The following PRKG1 variants were observed in gnomAD, a reference collection of about 807,000 sequenced individuals.
The protein encoded by PRKG1 is protein kinase cGMP-dependent 1.
In PRKG1, 35 loss-of-function variants were observed where a neutral mutation model predicts 88.1. The ratio of observed to expected loss-of-function variants is 0.40; its 90% CI spans 0.30 to 0.53. The LOEUF is 0.53. Among genes scored for constraint, PRKG1 ranks in the 20% least tolerant of loss-of-function variants. The pLI, the probability that PRKG1 is intolerant of heterozygous loss-of-function variation, is 0.59. For synonymous variants in PRKG1, 303 were observed against 292.5 expected (o/e 1.04, Z -0.37); for missense variants, 540 against 839.8 (o/e 0.64, Z 4.41).
intron 5 of PRKG1, among the ~76,000 whole-genome samples, chr10:52,017,586 G>A (rs1845073191): frequency 6.6e-6 from 1 of 152,148 alleles, no homozygotes; most frequent in Admixed American, 6.5e-5. Context: ...AGGAGGGGAA[G>A]ATAGGAGCAG....
chr10:51,486,569 A>G (rs1031829792), intron 3 of PRKG1, among the ~76,000 whole-genome samples: 1 of 152,120 alleles, frequency 6.6e-6, no homozygotes, highest in African/African-American at 2.4e-5. Flanking sequence ...TTGAATGGCT[A>G]CATGTGAATA....
intron 4 of PRKG1, among the ~76,000 whole-genome samples, chr10:51,876,567 C>G (rs948747648): frequency 1.3e-5 from 2 of 152,158 alleles, no homozygotes; most frequent in African/African-American, 2.4e-5. Context: ...GCAAATCATG[C>G]TTACTTTCAT....
intron 9 of PRKG1, 52 bp from the exon 10 acceptor site, chr10:52,251,518 C>G: frequency 7.4e-7 from 1 of 1,354,582 alleles, no homozygotes; most frequent in Admixed American, 1.7e-5. Flanking sequence ...GTACGTGGTA[C>G]TCGTGTTTGC....
chr10:51,363,561 GA>G (rs1842529205), intron 2 of PRKG1, among the ~76,000 whole-genome samples: 1 of 151,936 alleles, frequency 6.6e-6, no homozygotes, highest in Non-Finnish European at 1.5e-5. Context: ...CCTCCCAGGG[GA>G]CTTAGTGACT....
At chr10:51,910,805 TA>T (rs928658946) in intron 5 of PRKG1, 26 of 152,338 alleles carry the variant, frequency 1.7e-4, no homozygotes, top group African/African-American at 6.3e-4. Flanking sequence ...CCTTGGAATT[TA>T]AACAGGGCAA....
intron 1 of PRKG1, among the ~76,000 whole-genome samples, chr10:50,994,994 T>A (rs1337113168): frequency 6.6e-6 from 1 of 152,162 alleles, no homozygotes; most frequent in African/African-American, 2.4e-5. Flanking sequence ...CTACACCATT[T>A]TATATAAAGG....
chr10:52,098,212 T>C (rs538528370), intron 7 of PRKG1, among the ~76,000 whole-genome samples: 1 of 152,306 alleles, frequency 6.6e-6, no homozygotes, highest in African/African-American at 2.4e-5. Context: ...TTATGATAAT[T>C]TTCATTTCAC....
intron 4 of PRKG1, among the ~76,000 whole-genome samples, chr10:51,850,084 G>C (rs1447844129): frequency 2.6e-5 from 4 of 152,148 alleles, no homozygotes; most frequent in Non-Finnish European, 5.9e-5. Context: ...ATTAATAGAA[G>C]AAAACATTGT....
chr10:51,638,776 T>A (rs1422348231), intron 3 of PRKG1, among the ~76,000 whole-genome samples: 2 of 152,092 alleles, frequency 1.3e-5, no homozygotes, highest in Non-Finnish European at 1.5e-5. Flanking sequence ...TTTGAAATAA[T>A]GACACATTGA....
intron 3 of PRKG1, among the ~76,000 whole-genome samples, chr10:51,758,910 T>C (rs1001540643): frequency 4.1e-5 from 6 of 146,704 alleles, no homozygotes; most frequent in Non-Finnish European, 7.5e-5. Context: ...TGTGTTCTCA[T>C]TGTTCAACTC....
chr10:51,160,888 G>GTGTGTGTC (rs1846342084), intron 2 of PRKG1, among the ~76,000 whole-genome samples: 1 of 151,852 alleles, frequency 6.6e-6, no homozygotes, highest in African/African-American at 2.4e-5. Context: ...GTGTGTGTGT[G>GTGTGTGTC]TGTGTGTCTG....
chr10:51,717,996 A>C (rs1398346284), intron 3 of PRKG1, among the ~76,000 whole-genome samples: 1 of 152,092 alleles, frequency 6.6e-6, no homozygotes, highest in Admixed American at 6.5e-5. Flanking sequence ...CCTCCCCTTC[A>C]TTCATGTTTA....
At chr10:51,700,360 G>T (rs1294577326) in intron 3 of PRKG1, among the ~76,000 whole-genome samples, 1 of 152,162 alleles carries the variant, frequency 6.6e-6, no homozygotes, top group Non-Finnish European at 1.5e-5. Context: ...ATTAATTGGT[G>T]ATTAAATAAA....
chr10:51,111,976 G>T (rs1184275129), intron 1 of PRKG1, among the ~76,000 whole-genome samples: 1 of 152,140 alleles, frequency 6.6e-6, no homozygotes, highest in Non-Finnish European at 1.5e-5. Flanking sequence ...CACCTACAGA[G>T]CCTATCTGAA....
At chr10:51,509,276 C>T (rs1227665211) in intron 3 of PRKG1, among the ~76,000 whole-genome samples, 1 of 152,178 alleles carries the variant, frequency 6.6e-6, no homozygotes, top group Non-Finnish European at 1.5e-5. Flanking sequence ...TTTAGAAATA[C>T]ACTTCAGCTG....
intron 2 of PRKG1, among the ~76,000 whole-genome samples, chr10:51,198,719 C>T (rs1837837341): frequency 6.6e-6 from 1 of 152,142 alleles, no homozygotes; most frequent in South Asian, 2.1e-4. Flanking sequence ...GTCTTTGGGC[C>T]ATTTCCCACA....
upstream of PRKG1, among the ~76,000 whole-genome samples, chr10:51,070,867 A>C (rs1354355810): frequency 6.6e-6 from 1 of 152,190 alleles, no homozygotes; most frequent in Non-Finnish European, 1.5e-5. Context: ...CTGCTGAAAA[A>C]CAGGTTGTGA....
At chr10:51,980,351 T>C (rs1326719718) in intron 5 of PRKG1, among the ~76,000 whole-genome samples, 4 of 152,198 alleles carry the variant, frequency 2.6e-5, no homozygotes, top group Non-Finnish European at 4.4e-5. Flanking sequence ...AGAATAGTTG[T>C]TATGATTTCA....
chr10:51,492,805 G>A (rs1288343118), intron 3 of PRKG1, among the ~76,000 whole-genome samples: 1 of 152,054 alleles, frequency 6.6e-6, no homozygotes, highest in East Asian at 1.9e-4. Context: ...TTTTAGGATG[G>A]CATGAAACTT....
Sources: allele counts gnomAD v4.1 joint callset (sites outside exome capture counted in the v4.1 genomes callset), GRCh38; gene constraint gnomAD v4.1.1; transcripts MANE v1.5; gene names NCBI Gene and HGNC (gene_info 2026-07-23, HGNC 2026-07-21).